The following PCDHGA6 variants were observed in gnomAD, a reference collection of about 807,000 sequenced individuals.
PCDHGA6 encodes protocadherin gamma-A6.
A neutral mutation model predicts 60.6 loss-of-function variants in PCDHGA6; 41 were observed. The ratio of observed to expected loss-of-function variants is 0.68; its 90% confidence interval spans 0.53 to 0.88. The LOEUF (loss-of-function observed/expected upper bound fraction) is 0.88, where lower values mean the gene tolerates loss of function less well. Among genes scored for constraint, PCDHGA6 ranks in the 40% least tolerant of loss-of-function variants. PCDHGA6 has a pLI of 0.00. For synonymous variants in PCDHGA6, 594 were observed against 524.4 expected (o/e 1.13, Z -1.81); for missense variants, 1,312 against 1,203.0 (o/e 1.09, Z -1.34).
chr5:141,452,387 G>A (rs1052689230), intron 1 of PCDHGA6, among the ~76,000 whole-genome samples: 5 of 152,146 alleles, frequency 3.3e-5, no homozygotes, highest in African/African-American at 1.2e-4. Context: ...ATAGTATTTA[G>A]AAACTAAGAT....
At chr5:141,449,282 G>A (rs1285842278) in intron 1 of PCDHGA6, among the ~76,000 whole-genome samples, 17 of 152,002 alleles carry the variant, frequency 1.1e-4, no homozygotes, top group Admixed American at 4.6e-4. Context: ...CCTTCACCCG[G>A]ATGCACCGGG....
chr5:141,413,445 C>A (rs764464917), intron 1 of PCDHGA6: 1 of 1,613,986 alleles, frequency 6.2e-7, no homozygotes, highest in Admixed American at 1.7e-5. Flanking sequence ...GCTTGATCAC[C>A]GCGGGCAGGA....
At chr5:141,480,167 G>C (rs752444894) in intron 1 of PCDHGA6, among the ~76,000 whole-genome samples, 3 of 151,964 alleles carry the variant, frequency 2.0e-5, no homozygotes, top group Non-Finnish European at 2.9e-5. Flanking sequence ...ATTTTGGGAG[G>C]CTGAGGCAGG....
intron 3 of PCDHGA6, among the ~76,000 whole-genome samples, chr5:141,510,518 GC>G (rs2099881500): frequency 6.6e-6 from 1 of 152,112 alleles, no homozygotes; most frequent in Non-Finnish European, 1.5e-5. Context: ...CCGTGTCACA[GC>G]CCTGAGAGAA....
chr5:141,490,050 C>T lies in PCDHGA6; in HGVS notation c.2425-4757C>T, dbSNP rs1400735375. On this transcript the variant is annotated intron_variant, in intron 1 of 3. Transcript: ENST00000517434. This position sits in a 1 kb window ranked among gnomAD's most constrained non-coding sequence, Gnocchi z 5.4. ...TCCGCCTCAATGCCACTGATCCAGA[C>T]GAGGGCACCAACGGCCAACTAGACT... The T allele has an allele frequency of 1.2e-6, 2 of 1,614,224 alleles. No individual in the cohort carries two copies. The highest frequency in any genetic ancestry group is 1.7e-6 in the Non-Finnish European group (2 of 1,180,022).
chr5:141,393,497 C>T (rs375522990), intron 1 of PCDHGA6: 705 of 1,613,952 alleles, frequency 4.4e-4, no homozygotes, highest in Non-Finnish European at 5.6e-4. Flanking sequence ...CAGTGCGCAT[C>T]CACGTGACAG....
Position 141,491,717 on chromosome 5 carries a change from C to A in PCDHGA6, c.2425-3090C>A. ...CGGAGCCAGGTGAGGGGCTCGGCGC[C>A]GCCCCGGGCGACCCCTGGGGGCGGC... On this transcript the variant is annotated intron_variant, in intron 1 of 3. Coordinates refer to ENST00000517434, the MANE Select transcript of PCDHGA6 (RefSeq NM_018919.3). The surrounding 1 kb of genome is among the most constrained non-coding windows in gnomAD (Gnocchi z 6.9). 1 of 1,607,940 alleles carries A rather than the reference C, an allele frequency of 6.2e-7. No individual in the cohort carries two copies. Among genetic ancestry groups the A allele is most frequent in the Middle Eastern group, 1.7e-4 (1 of 6,010 alleles).
At chr5:141,459,814 T>A (rs757306281) in intron 1 of PCDHGA6, among the ~76,000 whole-genome samples, 2 of 152,256 alleles carry the variant, frequency 1.3e-5, no homozygotes, top group African/African-American at 4.8e-5. Context: ...CTAGAGACAC[T>A]GAGCAACTTT....
At chr5:141,393,479 C>A (rs375589587) in intron 1 of PCDHGA6, 1 of 1,613,940 alleles carries the variant, frequency 6.2e-7, no homozygotes, top group Non-Finnish European at 8.5e-7. Flanking sequence ...AGCCGCCTCG[C>A]TCTAGCACAG....
At position 141,423,537 on chromosome 5, in the gene PCDHGA6, T is replaced by A. The variant is rs201034039; in HGVS notation, c.2424+47030T>A. 1.4e-4 allele frequency: 225 copies of A among 1,613,694 alleles called. 2 individuals carry two copies. In the South Asian group the frequency reaches 2.3e-3, roughly 16 times the overall value. On this transcript the variant is annotated intron_variant, in intron 1 of 3. Coordinates refer to ENST00000517434, the MANE Select transcript of PCDHGA6 (RefSeq NM_018919.3). ...CGGACTCGCAGAAGAGTCACCTGAT[T>A]TTCCCCCAGCCCAACTATGGGGACA...
At chr5:141,405,277 T>C (rs770051288) in intron 1 of PCDHGA6, 5 of 1,614,196 alleles carry the variant, frequency 3.1e-6, no homozygotes, top group Non-Finnish European at 4.2e-6. Context: ...AGCCCAACTA[T>C]GCAGACACAC....
chr5:141,492,948 CA>C (rs2099745260), intron 1 of PCDHGA6, among the ~76,000 whole-genome samples: 1 of 152,188 alleles, frequency 6.6e-6, no homozygotes, highest in Non-Finnish European at 1.5e-5. Flanking sequence ...TGGAGGTGAC[CA>C]AACTATCTGA....
chr5:141,421,885 G>A (rs2096608692), intron 1 of PCDHGA6: 1 of 1,613,574 alleles, frequency 6.2e-7, no homozygotes, highest in African/African-American at 1.3e-5. Context: ...AGATGGAGGC[G>A]ATCCCATCCG....
In PCDHGA6 at chr5:141,431,468, G is replaced by C. The variant is rs756718016; in HGVS notation, c.2424+54961G>C. 4 of 1,613,804 alleles carry C rather than the reference G, an allele frequency of 2.5e-6. No homozygotes were observed. Among genetic ancestry groups the C allele is most frequent in the Non-Finnish European group, 3.4e-6 (4 of 1,179,964 alleles). On this transcript the variant is annotated intron_variant, in intron 1 of 3. Coordinates refer to ENST00000517434, the MANE Select transcript of PCDHGA6 (RefSeq NM_018919.3). The surrounding 1 kb of genome is among the most constrained non-coding windows in gnomAD (Gnocchi z 4.8). Reference sequence around the variant, plus strand: ...CCGCGTGATGGTTCTGGATGCGAACGACAACGCACCAGCGTTTGCTCAGCC... The same window carrying C: ...CCGCGTGATGGTTCTGGATGCGAACCACAACGCACCAGCGTTTGCTCAGCC...
At chr5:141,389,988 C>T (rs1348283803) in intron 1 of PCDHGA6, 7 of 1,613,918 alleles carry the variant, frequency 4.3e-6, no homozygotes, top group Non-Finnish European at 5.9e-6. Context: ...AGTGCTCTTC[C>T]TCGTGGCCAT....
At chr5:141,506,308 G>A (rs941724820) in intron 3 of PCDHGA6, among the ~76,000 whole-genome samples, 8 of 152,100 alleles carry the variant, frequency 5.3e-5, no homozygotes. Flanking sequence ...AATTAGCTGG[G>A]CATGGTGGTG....
chr5:141,423,775 T>A, intron 1 of PCDHGA6: 1 of 1,209,960 alleles, frequency 8.3e-7, no homozygotes, highest in Non-Finnish European at 1.1e-6. Context: ...GCGGCATATA[T>A]TTAGTTCATA....
rs1205353926 is a variant in PCDHGA6 at position 141,477,969 on chromosome 5, T to A, written c.2425-16838T>A. 6.2e-7 allele frequency: 1 copy of A among 1,613,962 alleles called. No homozygotes were observed. Among genetic ancestry groups the A allele is most frequent in the Non-Finnish European group, 8.5e-7 (1 of 1,180,032 alleles). ...CTCTTGGGATCCCCTAACCAGAGCC[T>A]TTTTGCCATAGGGCTGCACACTGGT... On this transcript the variant is annotated intron_variant, in intron 1 of 3. Coordinates refer to ENST00000517434, the MANE Select transcript of PCDHGA6 (RefSeq NM_018919.3). The surrounding 1 kb of genome is among the most constrained non-coding windows in gnomAD (Gnocchi z 4.9).
rs545310006 is a variant in PCDHGA6 at position 141,395,123 on chromosome 5, T to C, written c.2424+18616T>C. ...ACTCGCGGAAGAGTCACCTGATCTTTCCCCAGCCCAACTACGCAGACATGC... is the reference window on the plus strand; with the variant it reads ...ACTCGCGGAAGAGTCACCTGATCTTCCCCCAGCCCAACTACGCAGACATGC... On this transcript the variant is annotated intron_variant, in intron 1 of 3. Coordinates refer to ENST00000517434, the MANE Select transcript of PCDHGA6 (RefSeq NM_018919.3). 2.5e-6 allele frequency: 4 copies of C among 1,614,148 alleles called. No homozygotes were observed. In the Admixed American group the frequency reaches 6.7e-5, roughly 27 times the overall value.
Sources: gnomAD v4.1 joint callset for allele counts (sites outside exome capture counted in the v4.1 genomes callset) on GRCh38, gnomAD v4.1.1 for gene constraint, Gnocchi (gnomAD v3.1) non-coding constraint, MANE v1.5 for transcripts, NCBI Gene and HGNC (gene_info 2026-07-23, HGNC 2026-07-21) for gene names.